CHMP3: variants seen among roughly 807,000 people sequenced by gnomAD.
The protein encoded by CHMP3 is charged multivesicular body protein 3, also known as 25.1 protein.
In CHMP3, 8 loss-of-function variants were observed where a neutral mutation model predicts 27.4. The observed-to-expected ratio is 0.29, with a 90% CI of 0.17 to 0.53. The LOEUF is 0.53. Among genes scored for constraint, CHMP3 ranks in the 20% least tolerant of loss-of-function variants. The pLI, the probability that CHMP3 is intolerant of heterozygous loss-of-function variation, is 0.96. For synonymous variants in CHMP3, 86 were observed against 85.5 expected (o/e 1.01, Z -0.03); for missense variants, 208 against 271.5 (o/e 0.77, Z 1.64).
In CHMP3 at chr2:86,556,453, G is replaced by C. The variant is rs74779051; in HGVS notation, c.45+6851C>G. On this transcript the variant is annotated intron_variant, in intron 1 of 5. Coordinates refer to ENST00000263856, the MANE Select transcript of CHMP3 (RefSeq NM_016079.4). Reference sequence around the variant, plus strand: ...CTCACCATTGTAGGAGATCGGTCAGGGTGGTGGGAAAAATTGTAAAAAGAT... The same window carrying C: ...CTCACCATTGTAGGAGATCGGTCAGCGTGGTGGGAAAAATTGTAAAAAGAT... 2.5e-3 allele frequency among the ~76,000 whole-genome samples: 382 copies of C among 152,282 alleles called. 5 individuals carry two copies. Among genetic ancestry groups the C allele is most frequent in the African/African-American group, 8.7e-3 (363 of 41,532 alleles).
intron 3 of CHMP3, among the ~76,000 whole-genome samples, chr2:86,520,766 C>G (rs1573252345): frequency 1.3e-5 from 2 of 152,198 alleles, no homozygotes; most frequent in South Asian, 4.1e-4. Context: ...ACAAAGGTAG[C>G]TAGGTGGATG....
At chr2:86,563,176 G>GGA (rs1049510534) in intron 1 of CHMP3, 128 bp downstream of exon 1, 20 of 1,125,978 alleles carry the variant, frequency 1.8e-5, no homozygotes, top group Non-Finnish European at 2.6e-5. Context: ...CTGTCGAGTG[G>GGA]GAGTCCCCGG....
intron 1 of CHMP3, chr2:86,561,772 T>C (rs1326215445): frequency 6.6e-6 from 1 of 152,226 alleles, no homozygotes; most frequent in African/African-American, 2.4e-5. Flanking sequence ...CAATTTATCA[T>C]TTAAAAACAA....
intron 2 of CHMP3, among the ~76,000 whole-genome samples, chr2:86,541,568 C>T (rs1161439154): frequency 3.3e-5 from 5 of 152,202 alleles, no homozygotes; most frequent in Non-Finnish European, 7.4e-5. Context: ...GACTCTCTGT[C>T]TTTGTTTCTA....
intron 3 of CHMP3, chr2:86,527,202 A>G (rs946532551): frequency 3.9e-5 from 6 of 151,916 alleles, no homozygotes; most frequent in African/African-American, 1.5e-4. Context: ...TGAGCTCAGC[A>G]GTTCAAGACC....
chr2:86,526,133 G>A (rs1246720326), intron 3 of CHMP3, among the ~76,000 whole-genome samples: 1 of 152,192 alleles, frequency 6.6e-6, no homozygotes, highest in Non-Finnish European at 1.5e-5. Context: ...ACATTTAAAC[G>A]ATAGGCTCTT....
intron 3 of CHMP3, among the ~76,000 whole-genome samples, chr2:86,528,120 A>G (rs1269081181): frequency 6.6e-6 from 1 of 152,174 alleles, no homozygotes; most frequent in Non-Finnish European, 1.5e-5. Context: ...ATGGTTAGGC[A>G]TATTTTAAAA....
intron 2 of CHMP3, among the ~76,000 whole-genome samples, chr2:86,532,021 T>C (rs1340007746): frequency 6.6e-6 from 1 of 152,224 alleles, no homozygotes; most frequent in East Asian, 1.9e-4. Context: ...GATTGCACTT[T>C]GAATGTATAA....
chr2:86,510,565 C>A, intron 3 of CHMP3, 86 bp from the exon 4 acceptor site: 1 of 1,548,438 alleles, frequency 6.5e-7, no homozygotes, highest in Non-Finnish European at 8.7e-7. Context: ...CAATAAATGA[C>A]AGCAGTAGCA....
chr2:86,556,536 T>C (rs1677128547), intron 1 of CHMP3, among the ~76,000 whole-genome samples: 1 of 152,180 alleles, frequency 6.6e-6, no homozygotes, highest in Non-Finnish European at 1.5e-5. Context: ...AGGATTTGGC[T>C]GAAGGCAGCC....
chr2:86,554,123 G>A (rs910232572), intron 1 of CHMP3, among the ~76,000 whole-genome samples: 2 of 152,178 alleles, frequency 1.3e-5, no homozygotes, highest in Non-Finnish European at 2.9e-5. Context: ...ACAGCAAGAA[G>A]GCACCATCTA....
chr2:86,517,340 G>A (rs1281758542), intron 3 of CHMP3, among the ~76,000 whole-genome samples: 2 of 152,064 alleles, frequency 1.3e-5, no homozygotes, highest in African/African-American at 4.8e-5. Flanking sequence ...ACTGAGGAGG[G>A]CAGATCATGA....
chr2:86,550,917 C>G (rs992611257), intron 1 of CHMP3, among the ~76,000 whole-genome samples: 2 of 152,068 alleles, frequency 1.3e-5, no homozygotes, highest in Admixed American at 1.3e-4. Context: ...TTACCTTTTT[C>G]TTTTTAAATC....
At chr2:86,522,982 C>G (rs1675570622) in intron 3 of CHMP3, among the ~76,000 whole-genome samples, 1 of 152,214 alleles carries the variant, frequency 6.6e-6, no homozygotes. Flanking sequence ...CCTCTACACT[C>G]AGACGCTGCC....
chr2:86,531,138 T>C (rs931666905), intron 2 of CHMP3, among the ~76,000 whole-genome samples: 6 of 152,126 alleles, frequency 3.9e-5, no homozygotes, highest in Admixed American at 2.6e-4. Flanking sequence ...TTTTCCTCCG[T>C]TGGTAACATC....
At chr2:86,549,883 C>T (rs953452272) in intron 1 of CHMP3, among the ~76,000 whole-genome samples, 2 of 151,824 alleles carry the variant, frequency 1.3e-5, no homozygotes, top group African/African-American at 2.4e-5. Context: ...AGGCGCTCCT[C>T]GCCTCCCAGA....
chr2:86,504,834 G>A lies in CHMP3; in HGVS notation c.*970C>T, dbSNP rs1674830335. ...TCTCTGATACTTCCCAAACTGAGCT[G>A]TTTTCCTTATTTGTAAAGACTAAGA... On this transcript the variant is annotated 3_prime_UTR_variant, in exon 6 of 6. Transcript: ENST00000263856. The A allele has an allele frequency of 6.6e-6, 1 of 152,124 alleles. No homozygotes were observed. The highest frequency in any genetic ancestry group is 2.4e-5 in the African/African-American group (1 of 41,400). 9.4% of individuals were successfully genotyped at this position (152,124 alleles called of 1,614,324 possible). A position where few individuals can be genotyped will look rare whatever the true frequency, so the allele number is the denominator to read the frequency against.
chr2:86,524,819 T>C (rs1351437497), intron 3 of CHMP3, among the ~76,000 whole-genome samples: 2 of 152,208 alleles, frequency 1.3e-5, no homozygotes, highest in Non-Finnish European at 2.9e-5. Context: ...TTCATTTGGG[T>C]ATTCACTCTG....
At chr2:86,529,824 A>G (rs1010929940) in intron 2 of CHMP3, among the ~76,000 whole-genome samples, 2 of 152,212 alleles carry the variant, frequency 1.3e-5, no homozygotes, top group African/African-American at 4.8e-5. Context: ...TAAAGGTAAG[A>G]TAAGTCTTTA....
Sources: allele counts gnomAD v4.1 joint callset (sites outside exome capture counted in the v4.1 genomes callset), GRCh38; gene constraint gnomAD v4.1.1; transcripts MANE v1.5; gene names NCBI Gene and HGNC (gene_info 2026-07-23, HGNC 2026-07-21).